SLC4A7: variants seen among roughly 807,000 people sequenced by gnomAD.
The protein encoded by SLC4A7 is sodium bicarbonate cotransporter 3.
SLC4A7 carries 51 observed loss-of-function variants against 137.6 expected under a neutral mutation model. The ratio of observed to expected loss-of-function variants is 0.37; its 90% CI spans 0.30 to 0.47. SLC4A7 has a LOEUF of 0.47. SLC4A7 is among the 20% of genes least tolerant of loss of function. The pLI is 1.00. For synonymous variants in SLC4A7, 542 were observed against 518.6 expected, an observed-to-expected ratio of 1.05 and a Z score of -0.61; for missense variants, 1,247 against 1,525.4, an observed-to-expected ratio of 0.82 and a Z score of 3.04.
rs1214105392 is a variant in SLC4A7, at chr3:27,424,050, A to C, written c.1253T>G (p.Val418Gly). Reference sequence around the variant, plus strand: ...TGATAGAATTACCTTGCTGAAGTCAACAGTACTATTTTCTCTGCTTCCACC... The same window carrying C: ...TGATAGAATTACCTTGCTGAAGTCACCAGTACTATTTTCTCTGCTTCCACC... ...GSGGSRENST[V>G]DFSKVDMNFM... Residue 418 changes from valine (V) to glycine (G), a missense_variant, in exon 8 of 26, where the codon GTT (valine) becomes GGT (glycine). Physicochemically the swap from Val to Gly is moderately radical, Grantham distance 109. This residue lies in a region of SLC4A7 where 499 missense variants were observed against 664.2 expected (regional missense o/e 0.75). Transcript: ENST00000454389. The C allele has an allele frequency of 8.3e-6, 13 of 1,569,158 alleles. No individual in the cohort carries two copies. Among genetic ancestry groups the C allele is most frequent in the Non-Finnish European group, 1.1e-5 (13 of 1,140,102 alleles).
intron 1 of SLC4A7, chr3:27,456,500 CT>C (rs2058418133): frequency 3.2e-6 from 2 of 617,842 alleles, no homozygotes. Flanking sequence ...AGGAATTACT[CT>C]TCAACAGATG....
chr3:27,476,524 T>C (rs183368983), intron 1 of SLC4A7, among the ~76,000 whole-genome samples: 59 of 152,366 alleles, frequency 3.9e-4, no homozygotes, highest in African/African-American at 1.4e-3. Flanking sequence ...TGCTATCGTT[T>C]GGCTCTGTCC....
intron 6 of SLC4A7, among the ~76,000 whole-genome samples, chr3:27,432,210 C>T (rs2056368829): frequency 6.6e-6 from 1 of 151,794 alleles, no homozygotes; most frequent in South Asian, 2.1e-4. Flanking sequence ...AGTAAGACAC[C>T]ATCTACAGGT....
intron 6 of SLC4A7, 44 bp downstream of exon 6, chr3:27,433,872 C>A (rs781454740): frequency 2.0e-6 from 3 of 1,522,816 alleles, no homozygotes; most frequent in Non-Finnish European, 2.7e-6. Context: ...AAAGCTGTTA[C>A]AGTAGAAGTG....
At chr3:27,443,414 C>A (rs2057371157) in intron 3 of SLC4A7, among the ~76,000 whole-genome samples, 1 of 151,982 alleles carries the variant, frequency 6.6e-6, no homozygotes, top group Admixed American at 6.6e-5. Context: ...GTCCTCTGAT[C>A]AATCTGGCTT....
chr3:27,479,355 A>C (rs2059613610), intron 1 of SLC4A7, among the ~76,000 whole-genome samples: 1 of 152,034 alleles, frequency 6.6e-6, no homozygotes, highest in Non-Finnish European at 1.5e-5. Flanking sequence ...TTGGGGCTGC[A>C]GTGAGCCATG....
chr3:27,450,406 G>T (rs1478061561), intron 2 of SLC4A7, among the ~76,000 whole-genome samples: 1 of 152,088 alleles, frequency 6.6e-6, no homozygotes, highest in African/African-American at 2.4e-5. Context: ...AAAAAAGTGT[G>T]TAATTTAAAT....
intron 11 of SLC4A7, among the ~76,000 whole-genome samples, chr3:27,418,226 C>T (rs530588589): frequency 5.3e-4 from 81 of 152,020 alleles, no homozygotes; most frequent in Non-Finnish European, 8.8e-4. Flanking sequence ...AGGTACAGAA[C>T]GGTATATGCA....
chr3:27,444,969 T>C (rs2057476278), intron 3 of SLC4A7, among the ~76,000 whole-genome samples: 1 of 152,224 alleles, frequency 6.6e-6, no homozygotes, highest in Non-Finnish European at 1.5e-5. Flanking sequence ...GACCTGCCTT[T>C]AAGAATCTTC....
chr3:27,467,420 T>A (rs1464450993), intron 1 of SLC4A7, among the ~76,000 whole-genome samples: 1 of 152,242 alleles, frequency 6.6e-6, no homozygotes, highest in Non-Finnish European at 1.5e-5. Flanking sequence ...AACACTTTAC[T>A]AGCAATTCAG....
chr3:27,449,078 T>C (rs910267444), intron 2 of SLC4A7, among the ~76,000 whole-genome samples: 6 of 152,048 alleles, frequency 3.9e-5, no homozygotes, highest in Admixed American at 3.3e-4. Flanking sequence ...GTTTTTGTAT[T>C]TTTAGTAGAG....
intron 24 of SLC4A7, among the ~76,000 whole-genome samples, chr3:27,381,937 A>C (rs1347894977): frequency 1.3e-5 from 2 of 152,080 alleles, no homozygotes; most frequent in Non-Finnish European, 2.9e-5. Flanking sequence ...GAAAGTACAG[A>C]AAGTAGCTGG....
intron 7 of SLC4A7, among the ~76,000 whole-genome samples, chr3:27,431,006 A>T (rs2056218330): frequency 6.6e-6 from 1 of 152,122 alleles, no homozygotes; most frequent in Non-Finnish European, 1.5e-5. Flanking sequence ...TGTAACTCAA[A>T]TTTTTAATAA....
chr3:27,442,418 C>T (rs73151828), intron 3 of SLC4A7, among the ~76,000 whole-genome samples: 8,326 of 150,910 alleles, frequency 0.055, 764 homozygotes, highest in African/African-American at 0.19. Context: ...TGAAATGTGA[C>T]GTCAAAAACT....
At chr3:27,436,694 T>G (rs1243945186) in intron 4 of SLC4A7, 146 bp from the exon 5 acceptor site, 2 of 549,400 alleles carry the variant, frequency 3.6e-6, no homozygotes, top group Non-Finnish European at 6.1e-6. Context: ...ACAAATTAGG[T>G]TAATGGTCTA....
chr3:27,434,354 A>G (rs1275577066), intron 5 of SLC4A7, among the ~76,000 whole-genome samples: 1 of 152,194 alleles, frequency 6.6e-6, no homozygotes, highest in Non-Finnish European at 1.5e-5. Flanking sequence ...GCCTTCCTAT[A>G]GCTGAAAGTG....
In SLC4A7 at chr3:27,437,525, A is replaced by C. The variant is rs781657624; in HGVS notation, c.291T>G (p.Asp97Glu). 6.5e-7 allele frequency: 1 copy of C among 1,535,140 alleles called. No individual in the cohort carries two copies. The change falls in exon 4 of 26, where the codon GAT (aspartate) becomes GAG (glutamate). Residue 97 changes from aspartate (D) to glutamate (E), a missense_variant and splice_region_variant. Around this residue, in one of 6 missense-constraint regions of SLC4A7, gnomAD observed 176 missense variants for 186.4 expected, o/e 0.94. Transcript: ENST00000454389. ...TAAACTGAACTCTCTGGGATGGTGT[A>C]TCTTTACAAAATAAGAATTTACATA... is the stretch of plus-strand genomic sequence containing the variant. ...KEDGRESPSYDTPSQRVQFIL... is the reference protein window; with the variant it reads ...KEDGRESPSYETPSQRVQFIL...
rs995115996 is a variant in SLC4A7, at chr3:27,484,303, G to A, written c.-177C>T. 1.8e-5 allele frequency: 7 copies of A among 389,232 alleles called. No homozygotes were observed. Among genetic ancestry groups the A allele is most frequent in the African/African-American group, 1.3e-4 (6 of 47,492 alleles). The allele number at this position is 389,232 out of a possible 1,614,324, so 24.1% of individuals were successfully genotyped here. On this transcript the variant is annotated 5_prime_UTR_variant, in exon 1 of 26. Coordinates refer to ENST00000454389, the MANE Select transcript of SLC4A7 (RefSeq NM_001321103.2). ...CCGGGCGCCGGGCGCGGGAGACGCG[G>A]GGCGTGCGTGTGCGCGCTGCGACTG... is the stretch of plus-strand genomic sequence containing the variant.
At chr3:27,455,431 T>C (rs1022470789) in intron 1 of SLC4A7, among the ~76,000 whole-genome samples, 1 of 152,194 alleles carries the variant, frequency 6.6e-6, no homozygotes, top group African/African-American at 2.4e-5. Flanking sequence ...AAAGGCTTGA[T>C]GGGATACACA....
Sources: gnomAD v4.1 joint callset for allele counts (sites outside exome capture counted in the v4.1 genomes callset) on GRCh38, gnomAD v4.1.1 for gene constraint, gnomAD v4.1.1 regional missense constraint, MANE v1.5 for transcripts, NCBI Gene and HGNC (gene_info 2026-07-23, HGNC 2026-07-21) for gene names.